Variants in MINK1 observed in about 807,000 individuals in gnomAD.
The protein encoded by MINK1 is misshapen-like kinase 1.
A neutral mutation model predicts 178.4 loss-of-function variants in MINK1; 46 were observed. The ratio of observed to expected loss-of-function variants is 0.26; its 90% CI spans 0.20 to 0.33. The LOEUF (loss-of-function observed/expected upper bound fraction) is 0.33, where lower values mean the gene tolerates loss of function less well. MINK1 is among the 10% of genes least tolerant of loss of function. The pLI is 1.00. For synonymous variants in MINK1, 797 were observed against 709.7 expected (o/e 1.12, Z -1.96); for missense variants, 1,366 against 1,814.9 (o/e 0.75, Z 4.49).
rs1452538973 is a variant in MINK1, at chr17:4,836,360, G to C, written c.57+2720G>C. Among the ~76,000 whole-genome samples, 6 of 152,132 alleles carry C rather than the reference G, an allele frequency of 3.9e-5. No homozygotes were observed. Among genetic ancestry groups the C allele is most frequent in the Non-Finnish European group, 8.8e-5 (6 of 68,030 alleles). Reference sequence around the variant, plus strand: ...TTGCGTTAATCTCTTAGCCATGTGTGGGGAGGCCAGATGGACCTGCTACTT... The same window carrying C: ...TTGCGTTAATCTCTTAGCCATGTGTCGGGAGGCCAGATGGACCTGCTACTT... On this transcript the variant is annotated intron_variant, in intron 1 of 31. Transcript: ENST00000355280. The surrounding 1 kb of genome is among the most constrained non-coding windows in gnomAD (Gnocchi z 4.3).
Position 4,887,166 on chromosome 17 carries a change from G to A in MINK1, c.1006G>A (p.Glu336Lys). The A allele has an allele frequency of 6.2e-7, 1 of 1,604,562 alleles. No individual in the cohort carries two copies. The highest frequency in any genetic ancestry group is 8.5e-7 in the Non-Finnish European group (1 of 1,175,770). Reference protein sequence around the residue: ...SEEEDDSHGEEGEPSSIMNVP... With the variant: ...SEEEDDSHGEKGEPSSIMNVP... ...GGAGGAAGATGACAGCCATGGAGAG[G>A]AAGGAGAGCCAAGGTAGGCCTGGCA... Residue 336 changes from glutamate (E) to lysine (K), a missense_variant, in exon 11 of 32, where the codon GAA (glutamate) becomes AAA (lysine). Glu to Lys is a moderately conservative substitution (Grantham distance 56). This residue lies in a region of MINK1 where 56 missense variants were observed against 64.0 expected (regional missense o/e 0.87). Coordinates refer to ENST00000355280, the MANE Select transcript of MINK1 (RefSeq NM_153827.5). This position sits in a 1 kb window ranked among gnomAD's most constrained non-coding sequence, Gnocchi z 7.6.
intron 1 of MINK1, among the ~76,000 whole-genome samples, chr17:4,851,525 C>G (rs944180463): frequency 2.0e-5 from 3 of 152,156 alleles, no homozygotes; most frequent in Non-Finnish European, 4.4e-5. Flanking sequence ...CTTCTTTGGC[C>G]CTTCTCACCC....
chr17:4,867,151 T>G (rs993809794), intron 1 of MINK1, among the ~76,000 whole-genome samples: 57 of 114,382 alleles, frequency 5.0e-4, no homozygotes, highest in East Asian at 2.5e-3. Flanking sequence ...TTTTTTTTTT[T>G]TTTTTTTTTT....
intron 12 of MINK1, 82 bp from the exon 13 acceptor site, chr17:4,889,564 AG>A: frequency 8.5e-7 from 1 of 1,178,670 alleles, no homozygotes; most frequent in Non-Finnish European, 1.2e-6. Context: ...GTGAGCAAGG[AG>A]GGCTCCCCTC....
At position 4,881,087 on chromosome 17, in the gene MINK1, G is replaced by A. The variant is rs367941257; in HGVS notation, c.181-45G>A. 1,689 of 1,536,458 alleles carry A rather than the reference G, an allele frequency of 1.1e-3. 3 individuals are homozygous for A. The highest frequency in any genetic ancestry group is 1.7e-3 in the Middle Eastern group (10 of 5,982). On this transcript the variant is annotated intron_variant, in intron 3 of 31. Coordinates refer to ENST00000355280, the MANE Select transcript of MINK1 (RefSeq NM_153827.5). ...TGGGAGGGTCGGACCAGCGAGAAGG[G>A]AGTGTTGGGGGAGTCTCAGGGCTCA... is the stretch of plus-strand genomic sequence containing the variant.
intron 1 of MINK1, among the ~76,000 whole-genome samples, chr17:4,851,875 C>T (rs747023877): frequency 7.3e-4 from 111 of 151,916 alleles, no homozygotes; most frequent in Non-Finnish European, 1.4e-3. Flanking sequence ...TGGCTTGTGC[C>T]TGTAATCCCA....
intron 1 of MINK1, among the ~76,000 whole-genome samples, chr17:4,845,991 C>T (rs1342838755): frequency 1.3e-5 from 2 of 152,216 alleles, no homozygotes; most frequent in Non-Finnish European, 2.9e-5. Context: ...CCCTGGCCTC[C>T]TCACTTTCCC....
chr17:4,860,600 G>C (rs1181878861), intron 1 of MINK1, among the ~76,000 whole-genome samples: 1 of 152,204 alleles, frequency 6.6e-6, no homozygotes, highest in Non-Finnish European at 1.5e-5. Flanking sequence ...GCCCCAGGCA[G>C]CACCGTGAGA....
At position 4,885,646 on chromosome 17, in the gene MINK1, GC is replaced by G; in HGVS notation, c.639+35del. The stretch of plus-strand genomic sequence containing the variant: ...GTGGAAAGTTGGGAGCATGGGGGCT[GC>G]CAAGGGCGGGAAGCAATATGGGGAC... On this transcript the variant is annotated intron_variant, in intron 7 of 31. Coordinates refer to ENST00000355280, the MANE Select transcript of MINK1 (RefSeq NM_153827.5). This position sits in a 1 kb window ranked among gnomAD's most constrained non-coding sequence, Gnocchi z 5.0. The G allele has an allele frequency of 6.2e-6, 10 of 1,612,578 alleles. No homozygotes were observed. Among genetic ancestry groups the G allele is most frequent in the Non-Finnish European group, 8.5e-6 (10 of 1,179,092 alleles).
Position 4,833,740 on chromosome 17 carries a change from C to A in MINK1, c.57+100C>A. 9.5e-7 allele frequency: 1 copy of A among 1,048,170 alleles called. No homozygotes were observed. Among genetic ancestry groups the A allele is most frequent in the Non-Finnish European group, 1.3e-6 (1 of 769,172 alleles). The allele number at this position is 1,048,170 out of a possible 1,614,324, so 64.9% of individuals were successfully genotyped here. Reference sequence around the variant, plus strand: ...CTCACGTGCTCCCGGGCGCCCCCTCCACCAGCTTGGGTCCCCTTGGCGACC... The same window carrying A: ...CTCACGTGCTCCCGGGCGCCCCCTCAACCAGCTTGGGTCCCCTTGGCGACC... On this transcript the variant is annotated intron_variant, in intron 1 of 31. Coordinates refer to ENST00000355280, the MANE Select transcript of MINK1 (RefSeq NM_153827.5). This position sits in a 1 kb window ranked among gnomAD's most constrained non-coding sequence, Gnocchi z 4.8.
chr17:4,893,235 C>T (rs1332207932), intron 20 of MINK1, 168 bp downstream of exon 20: 14 of 1,610,460 alleles, frequency 8.7e-6, no homozygotes, highest in Non-Finnish European at 1.2e-5. Flanking sequence ...CTCTCCTAAC[C>T]TCTCTCCTAA....
Position 4,894,464 on chromosome 17 carries a change from C to T in MINK1, c.2809-61C>T. 2 of 1,519,360 alleles carry T rather than the reference C, an allele frequency of 1.3e-6. No homozygotes were observed. Among genetic ancestry groups the T allele is most frequent in the Non-Finnish European group, 1.8e-6 (2 of 1,116,992 alleles). 94.1% of individuals were successfully genotyped at this position (1,519,360 alleles called of 1,614,324 possible). ...GGAGCTGGAGCCTGGGGAACAGCAGCAGGGGCAGGGCCGCAGCTGGACTTG... is the reference window on the plus strand; with the variant it reads ...GGAGCTGGAGCCTGGGGAACAGCAGTAGGGGCAGGGCCGCAGCTGGACTTG... On this transcript the variant is annotated intron_variant, in intron 23 of 31. Coordinates refer to ENST00000355280, the MANE Select transcript of MINK1 (RefSeq NM_153827.5). This position sits in a 1 kb window ranked among gnomAD's most constrained non-coding sequence, Gnocchi z 4.1.
intron 1 of MINK1, among the ~76,000 whole-genome samples, chr17:4,868,304 TA>T (rs1915349091): frequency 6.6e-6 from 1 of 152,128 alleles, no homozygotes. Flanking sequence ...AAATTTACCA[TA>T]AAGTATTGAT....
At chr17:4,892,935 C>T (rs1277470566) in intron 19 of MINK1, 44 bp from the exon 20 acceptor site, 7 of 1,493,416 alleles carry the variant, frequency 4.7e-6, no homozygotes, top group South Asian at 3.6e-5. Context: ...TTGAGGCCAT[C>T]CCTTGTTCAG....
At chr17:4,848,257 G>A (rs549439309) in intron 1 of MINK1, among the ~76,000 whole-genome samples, 16 of 152,212 alleles carry the variant, frequency 1.1e-4, no homozygotes, top group Admixed American at 8.5e-4. Flanking sequence ...CTTCCCCATC[G>A]CTCCCTGCAA....
At chr17:4,873,607 T>A (rs933993691) in intron 1 of MINK1, among the ~76,000 whole-genome samples, 3 of 141,706 alleles carry the variant, frequency 2.1e-5, no homozygotes, top group Non-Finnish European at 3.0e-5. Flanking sequence ...TCGCCACTCT[T>A]TTTTCTTTTC....
chr17:4,870,364 C>T (rs1402394994), intron 1 of MINK1, among the ~76,000 whole-genome samples: 2 of 151,786 alleles, frequency 1.3e-5, no homozygotes, highest in African/African-American at 4.8e-5. Context: ...AGGTGTGAGC[C>T]ACTATGCCCA....
Position 4,887,050 on chromosome 17 carries a change from C to T in MINK1, c.950-60C>T. 1 of 1,533,526 alleles carries T rather than the reference C, an allele frequency of 6.5e-7. No homozygotes were observed. The highest frequency in any genetic ancestry group is 8.8e-7 in the Non-Finnish European group (1 of 1,130,904). 95.0% of individuals were successfully genotyped at this position (1,533,526 alleles called of 1,614,324 possible). A position where few individuals can be genotyped will look rare whatever the true frequency, so the allele number is the denominator to read the frequency against. ...CCTGGTTATCCCCACCCAAGGTTTCCCTAGCCCACGGCGGGTCTGGGGCGC... is the reference window on the plus strand; with the variant it reads ...CCTGGTTATCCCCACCCAAGGTTTCTCTAGCCCACGGCGGGTCTGGGGCGC... On this transcript the variant is annotated intron_variant, in intron 10 of 31. Coordinates refer to ENST00000355280, the MANE Select transcript of MINK1 (RefSeq NM_153827.5). This position sits in a 1 kb window ranked among gnomAD's most constrained non-coding sequence, Gnocchi z 7.6.
intron 1 of MINK1, among the ~76,000 whole-genome samples, chr17:4,843,239 G>A (rs1910517199): frequency 6.6e-6 from 1 of 152,186 alleles, no homozygotes; most frequent in Non-Finnish European, 1.5e-5. Flanking sequence ...CACTTTGGGA[G>A]GCTGAGGCAG....
Sources: allele counts gnomAD v4.1 joint callset (sites outside exome capture counted in the v4.1 genomes callset), GRCh38; gene constraint gnomAD v4.1.1; regional missense constraint gnomAD v4.1.1; non-coding constraint Gnocchi (gnomAD v3.1); transcripts MANE v1.5; gene names NCBI Gene and HGNC (gene_info 2026-07-23, HGNC 2026-07-21).